Variants in PIK3AP1 observed in about 807,000 individuals in gnomAD.
The protein encoded by PIK3AP1 is phosphoinositide 3-kinase adapter protein 1.
PIK3AP1 carries 21 observed loss-of-function variants against 88.1 expected under a neutral mutation model. The observed-to-expected ratio is 0.24, with a 90% CI of 0.17 to 0.34. The LOEUF (loss-of-function observed/expected upper bound fraction) is 0.34. PIK3AP1 is among the 10% of genes least tolerant of loss of function. The probability of loss-of-function intolerance (pLI) is 1.00; values close to 1 mark genes in which losing one functional copy is unlikely to be tolerated. For missense variants in PIK3AP1, 828 were observed against 1,035.7 expected (o/e 0.80, Z 2.75); for synonymous variants, 398 against 400.0 (o/e 1.00, Z 0.06).
chr10:96,674,338 T>C (rs1307251520), intron 2 of PIK3AP1, among the ~76,000 whole-genome samples: 2 of 152,222 alleles, frequency 1.3e-5, no homozygotes, highest in Admixed American at 1.3e-4. Flanking sequence ...TGCCACTTCC[T>C]GGGTAATCTT....
chr10:96,702,876 T>C (rs907344485), intron 2 of PIK3AP1, among the ~76,000 whole-genome samples: 3 of 152,202 alleles, frequency 2.0e-5, no homozygotes, highest in African/African-American at 7.2e-5. Flanking sequence ...TAAATATTCC[T>C]TTATTTTTCT....
At position 96,605,675 on chromosome 10, in the gene PIK3AP1, T is replaced by C. The variant is rs1848990312; in HGVS notation, c.2171-1626A>G. 2.0e-5 allele frequency among the ~76,000 whole-genome samples: 3 copies of C among 152,250 alleles called. No homozygotes were observed. The South Asian group carries it at 6.2e-4, about 32-fold the overall frequency. ...AACTTTGACCGAATTAATTTAGATG[T>C]TAGCTTGAATAGAGCAGGTTAAGAT... On this transcript the variant is annotated intron_variant, in intron 14 of 16. Transcript: ENST00000339364.
chr10:96,693,329 A>T (rs185461199), intron 2 of PIK3AP1, among the ~76,000 whole-genome samples: 13 of 152,300 alleles, frequency 8.5e-5, no homozygotes, highest in African/African-American at 3.1e-4. Context: ...ATTCTGTTAA[A>T]GGGACAATAA....
chr10:96,718,784 G>A (rs1322905009), intron 1 of PIK3AP1, among the ~76,000 whole-genome samples: 2 of 152,122 alleles, frequency 1.3e-5, no homozygotes, highest in African/African-American at 4.8e-5. Flanking sequence ...GCAGCCCAGG[G>A]CCTGTTCCTG....
intron 16 of PIK3AP1, among the ~76,000 whole-genome samples, chr10:96,596,293 G>C (rs1848751563): frequency 6.6e-6 from 1 of 152,132 alleles, no homozygotes; most frequent in African/African-American, 2.4e-5. Context: ...CACCTGTTTT[G>C]TCCCATGGAA....
chr10:96,675,081 T>C (rs1589530935), intron 2 of PIK3AP1, among the ~76,000 whole-genome samples: 1 of 152,122 alleles, frequency 6.6e-6, no homozygotes, highest in Non-Finnish European at 1.5e-5. Context: ...TTAGCAGAGA[T>C]GGGTTTTCAC....
In PIK3AP1 at chr10:96,648,732, T is replaced by C. The variant is rs1843494472; in HGVS notation, c.1112A>G (p.His371Arg). The change falls in exon 7 of 17, where the codon CAT becomes CGT. Residue 371 changes from histidine (H) to arginine (R), a missense_variant. This residue lies in a region of PIK3AP1 where 610 missense variants were observed against 760.1 expected (regional missense o/e 0.80). Transcript: ENST00000339364. The part of the protein sequence containing the change: ...ALQAYSVANK[H>R]GHYPNTIAEK... ...AGCGATGGTGTTGGGGTAGTGGCCA[T>C]GCTTGTTGGCCACGCTGTACGCCTG... The C allele has an allele frequency of 1.9e-6, 3 of 1,610,970 alleles. No individual in the cohort carries two copies. Among genetic ancestry groups the C allele is most frequent in the South Asian group, 2.2e-5 (2 of 90,294 alleles).
At position 96,623,517 on chromosome 10, in the gene PIK3AP1, C is replaced by G. The variant is rs1274478777; in HGVS notation, c.1690G>C (p.Glu564Gln). The G allele has an allele frequency of 6.2e-7, 1 of 1,611,178 alleles. No individual in the cohort carries two copies. Among genetic ancestry groups the G allele is most frequent in the African/African-American group, 1.3e-5 (1 of 74,856 alleles). Residue 564 changes from glutamate (E) to glutamine (Q), a missense_variant, in exon 11 of 17, where the codon GAG becomes CAG. Around this residue, in one of 3 missense-constraint regions of PIK3AP1, gnomAD observed 610 missense variants for 760.1 expected, o/e 0.80. Transcript: ENST00000339364. ...IFKVFAEKSQ[E>Q]RPGNFYVSSE... ...GAAACGTAGAAATTCCCAGGCCGCT[C>G]TTGACTTTTTTCTGCAAAAACTATG...
rs934405035 is a variant in PIK3AP1, at chr10:96,720,235, G to T, written c.13+147C>A. The T allele has an allele frequency of 3.1e-5, 26 of 849,692 alleles. No homozygotes were observed. Among genetic ancestry groups the T allele is most frequent in the Non-Finnish European group, 3.9e-5 (25 of 642,058 alleles). 52.6% of individuals were successfully genotyped at this position (849,692 alleles called of 1,614,324 possible). A position where few individuals can be genotyped will look rare whatever the true frequency, so the allele number is the denominator to read the frequency against. Reference sequence around the variant, plus strand: ...GGGAAAGTTGGAGTGGGAAGTTTGCGACAGGGAACATAGAAAAGAGCAGAA... The same window carrying T: ...GGGAAAGTTGGAGTGGGAAGTTTGCTACAGGGAACATAGAAAAGAGCAGAA... On this transcript the variant is annotated intron_variant, in intron 1 of 16. Transcript: ENST00000339364. This position sits in a 1 kb window ranked among gnomAD's most constrained non-coding sequence, Gnocchi z 4.6.
At chr10:96,595,857 A>G (rs1350057855) in intron 16 of PIK3AP1, among the ~76,000 whole-genome samples, 3 of 152,184 alleles carry the variant, frequency 2.0e-5, no homozygotes, top group Non-Finnish European at 4.4e-5. Flanking sequence ...ACCAATTCCA[A>G]GGATCCATCC....
chr10:96,676,979 G>C (rs1181552068), intron 2 of PIK3AP1, among the ~76,000 whole-genome samples: 1 of 152,086 alleles, frequency 6.6e-6, no homozygotes, highest in Non-Finnish European at 1.5e-5. Flanking sequence ...GGTCATGCTG[G>C]GGTGGAGGGA....
intron 8 of PIK3AP1, among the ~76,000 whole-genome samples, chr10:96,629,930 A>AAAAAAAAAAAAAAAAAAAAAAGAAGAAG (rs776780994): frequency 7.3e-5 from 1 of 13,724 alleles, no homozygotes; most frequent in African/African-American, 1.8e-4. Flanking sequence ...AAAAAAAAAA[A>AAAAAAAAAAAAAAAAAAAAAAGAAGAAG]AAGAAGAAGA....
chr10:96,652,765 C>T lies in PIK3AP1; in HGVS notation c.645G>A (p.Glu215=), dbSNP rs752098964. Residue 215 remains glutamate (E), a synonymous_variant, in exon 4 of 17, where the codon GAG becomes GAA. Transcript: ENST00000339364. ...RVATEAEFSP[E]DSPSVRMEAK... is the part of the protein sequence containing the mutation. Reference sequence around the variant, plus strand: ...CTTCCATCCTTACAGAGGGAGAATCCTCAGGAGAAAACTCTGCTTCTGTCG... The same window carrying T: ...CTTCCATCCTTACAGAGGGAGAATCTTCAGGAGAAAACTCTGCTTCTGTCG... 49 of 1,613,942 alleles carry T rather than the reference C, an allele frequency of 3.0e-5. No homozygotes were observed. The highest frequency in any genetic ancestry group is 4.1e-5 in the Non-Finnish European group (48 of 1,179,998).
chr10:96,611,339 A>ACC (rs1162347081), intron 13 of PIK3AP1, among the ~76,000 whole-genome samples: 6 of 151,992 alleles, frequency 3.9e-5, no homozygotes, highest in African/African-American at 1.4e-4. Context: ...GGAAGCACCT[A>ACC]CCCCAGCTTG....
chr10:96,606,450 A>C (rs1849003926), intron 14 of PIK3AP1, among the ~76,000 whole-genome samples: 2 of 152,314 alleles, frequency 1.3e-5, no homozygotes, highest in East Asian at 3.9e-4. Flanking sequence ...TGACTCCGGA[A>C]ACTCATACCA....
intron 1 of PIK3AP1, among the ~76,000 whole-genome samples, chr10:96,711,886 G>A (rs1589552146): frequency 6.6e-6 from 1 of 151,102 alleles, no homozygotes; most frequent in South Asian, 2.1e-4. Flanking sequence ...AAGTAGCTGG[G>A]ACTACAGGCG....
At chr10:96,659,531 G>GT (rs1843658331) in intron 2 of PIK3AP1, among the ~76,000 whole-genome samples, 1 of 151,926 alleles carries the variant, frequency 6.6e-6, no homozygotes, top group African/African-American at 2.4e-5. Context: ...AAAGTCTACG[G>GT]TAAGAATTCA....
chr10:96,697,114 A>G (rs1250435478), intron 2 of PIK3AP1, among the ~76,000 whole-genome samples: 1 of 152,198 alleles, frequency 6.6e-6, no homozygotes, highest in South Asian at 2.1e-4. Context: ...ACTGATTGTC[A>G]TAAAGATTGT....
intron 2 of PIK3AP1, among the ~76,000 whole-genome samples, chr10:96,702,236 C>G (rs1415829625): frequency 6.6e-6 from 1 of 152,168 alleles, no homozygotes; most frequent in Non-Finnish European, 1.5e-5. Context: ...CGCGGTGGCT[C>G]ATGCCTGTAA....
Sources: allele counts gnomAD v4.1 joint callset (sites outside exome capture counted in the v4.1 genomes callset), GRCh38; gene constraint gnomAD v4.1.1; regional missense constraint gnomAD v4.1.1; non-coding constraint Gnocchi (gnomAD v3.1); transcripts MANE v1.5; gene names NCBI Gene and HGNC (gene_info 2026-07-23, HGNC 2026-07-21).